MPPED2: variants seen among roughly 807,000 people sequenced by gnomAD.
MPPED2 encodes metallophosphoesterase MPPED2.
Under a neutral mutation model 33.0 loss-of-function variants are expected in MPPED2, and 5 were observed. The ratio of observed to expected loss-of-function variants is 0.15; its 90% CI spans 0.08 to 0.32. MPPED2 has a LOEUF of 0.32. Ranked by LOEUF, MPPED2 falls within the 10% of genes least tolerant of loss-of-function variation. MPPED2 has a pLI of 1.00. For missense variants in MPPED2, 275 were observed against 372.1 expected (o/e 0.74, Z 2.15); for synonymous variants, 136 against 141.9 (o/e 0.96, Z 0.29).
intron 2 of MPPED2, among the ~76,000 whole-genome samples, chr11:30,542,318 T>C (rs778550443): frequency 3.3e-5 from 5 of 151,990 alleles, no homozygotes; most frequent in Non-Finnish European, 5.9e-5. Context: ...TAGTAACACA[T>C]TAAAATAAAC....
intron 4 of MPPED2, among the ~76,000 whole-genome samples, chr11:30,445,712 T>A (rs997755540): frequency 1.3e-5 from 2 of 152,316 alleles, no homozygotes; most frequent in Non-Finnish European, 1.5e-5. Flanking sequence ...CAATATACGT[T>A]CTTTTGTGTC....
At chr11:30,390,110 C>T (rs590045) in intron 6 of MPPED2, among the ~76,000 whole-genome samples, 101,305 of 152,120 alleles carry the variant, frequency 0.67, 34,365 homozygotes, top group Non-Finnish European at 0.74. Context: ...AGATATTCAA[C>T]TAGATATTTA....
chr11:30,442,891 G>C (rs1949644515), intron 4 of MPPED2, among the ~76,000 whole-genome samples: 1 of 152,158 alleles, frequency 6.6e-6, no homozygotes, highest in South Asian at 2.1e-4. Context: ...GCTTGAGCCT[G>C]TAGCTCCAGC....
intron 6 of MPPED2, among the ~76,000 whole-genome samples, chr11:30,404,552 A>G (rs1947959485): frequency 6.6e-6 from 1 of 152,224 alleles, no homozygotes; most frequent in African/African-American, 2.4e-5. Context: ...TTCCTAGGCT[A>G]GCTGCCTGTG....
chr11:30,493,008 ACTT>A (rs1952052002), intron 4 of MPPED2, among the ~76,000 whole-genome samples: 1 of 152,242 alleles, frequency 6.6e-6, no homozygotes, highest in Non-Finnish European at 1.5e-5. Context: ...TATAGGAAGT[ACTT>A]AATTAAGAGT....
chr11:30,395,520 T>C (rs924623965), intron 6 of MPPED2, among the ~76,000 whole-genome samples: 2 of 152,170 alleles, frequency 1.3e-5, no homozygotes, highest in East Asian at 1.9e-4. Context: ...TTGGATGCTC[T>C]GCATGGATTC....
intron 4 of MPPED2, among the ~76,000 whole-genome samples, chr11:30,479,641 GA>G (rs35826560): frequency 0.41 from 61,628 of 150,554 alleles, 13,864 homozygotes; most frequent in African/African-American, 0.61. Context: ...ACCTCTAAAG[GA>G]AAAAAAAATA....
intron 6 of MPPED2, among the ~76,000 whole-genome samples, chr11:30,401,975 A>T (rs536923058): frequency 6.6e-6 from 1 of 151,860 alleles, no homozygotes; most frequent in East Asian, 1.9e-4. Context: ...GGGATTACAG[A>T]CGTGAGCCAC....
chr11:30,407,314 G>A (rs150721067), downstream of MPPED2, among the ~76,000 whole-genome samples: 19 of 152,364 alleles, frequency 1.2e-4, no homozygotes, highest in Admixed American at 7.2e-4. Flanking sequence ...GAGAGATGCT[G>A]TGAGAAATAA....
intron 2 of MPPED2, among the ~76,000 whole-genome samples, chr11:30,538,444 A>G (rs981185693): frequency 2.0e-5 from 3 of 152,138 alleles, no homozygotes; most frequent in South Asian, 2.1e-4. Flanking sequence ...AAAGTAGCCA[A>G]TCATCACATG....
intron 4 of MPPED2, among the ~76,000 whole-genome samples, chr11:30,452,650 TG>T (rs1277180567): frequency 6.6e-6 from 1 of 152,226 alleles, no homozygotes; most frequent in African/African-American, 2.4e-5. Flanking sequence ...TCATGAGCTC[TG>T]GAGTGGCAGG....
downstream of MPPED2, among the ~76,000 whole-genome samples, chr11:30,405,271 G>T (rs867548196): frequency 7.2e-4 from 109 of 152,288 alleles, 1 homozygote; most frequent in Middle Eastern, 3.4e-3. Flanking sequence ...ATCAACTAAG[G>T]TTGGGACAGA....
chr11:30,480,223 C>G (rs1951417837), intron 4 of MPPED2, among the ~76,000 whole-genome samples: 1 of 152,070 alleles, frequency 6.6e-6, no homozygotes, highest in South Asian at 2.1e-4. Flanking sequence ...TCTTCAGCCC[C>G]AACCAGTGAA....
intron 3 of MPPED2, among the ~76,000 whole-genome samples, chr11:30,505,742 G>C (rs1952794389): frequency 6.6e-6 from 1 of 152,144 alleles, no homozygotes; most frequent in Non-Finnish European, 1.5e-5. Flanking sequence ...GTTTCATCTG[G>C]ATCAGTTGTG....
intron 4 of MPPED2, chr11:30,468,829 C>G (rs1950829546): frequency 6.6e-6 from 1 of 152,192 alleles, no homozygotes; most frequent in African/African-American, 2.4e-5. Flanking sequence ...TCTGATCCCC[C>G]AGATTCTTCC....
intron 3 of MPPED2, among the ~76,000 whole-genome samples, chr11:30,508,224 A>G (rs1952947173): frequency 6.6e-6 from 1 of 152,242 alleles, no homozygotes; most frequent in Non-Finnish European, 1.5e-5. Context: ...CAAGACACAA[A>G]AATAAATACA....
At chr11:30,420,823 G>C (rs1948577238) in intron 4 of MPPED2, among the ~76,000 whole-genome samples, 1 of 152,058 alleles carries the variant, frequency 6.6e-6, no homozygotes, top group Non-Finnish European at 1.5e-5. Context: ...TTTTATTAGA[G>C]TCTAAAATAC....
exon 7 of MPPED2, chr11:30,387,675 C>T (rs1241335206): frequency 1.3e-5 from 2 of 152,188 alleles, no homozygotes; most frequent in Admixed American, 1.3e-4. Context: ...ATGCCAGCTT[C>T]TTTGAGGTTC....
chr11:30,443,752 C>T (rs1163929168), intron 4 of MPPED2, among the ~76,000 whole-genome samples: 3 of 152,122 alleles, frequency 2.0e-5, no homozygotes, highest in Non-Finnish European at 4.4e-5. Context: ...CAGTAACTAG[C>T]GTGATGGATT....
Sources: allele counts gnomAD v4.1 joint callset (sites outside exome capture counted in the v4.1 genomes callset), GRCh38; gene constraint gnomAD v4.1.1; transcripts MANE v1.5; gene names NCBI Gene and HGNC (gene_info 2026-07-23, HGNC 2026-07-21).